NEK1: variants seen among roughly 807,000 people sequenced by gnomAD.
The protein encoded by NEK1 is serine/threonine-protein kinase Nek1.
Under a neutral mutation model 182.1 loss-of-function variants are expected in NEK1, and 137 were observed. The ratio of observed to expected loss-of-function variants is 0.75; its 90% confidence interval spans 0.65 to 0.87. The LOEUF is 0.87. NEK1 is among the 40% of genes least tolerant of loss of function. NEK1 has a pLI of 0.00. For synonymous variants in NEK1, 513 were observed against 492.2 expected (o/e 1.04, Z -0.56); for missense variants, 1,391 against 1,494.4 (o/e 0.93, Z 1.14).
In NEK1 at chr4:169,588,701, G is replaced by A. The variant is rs1281659411; in HGVS notation, c.499C>T (p.Pro167Ser). Residue 167 changes from proline to serine, a missense_variant, in exon 8 of 36, where the codon CCA (proline) becomes TCA (serine). By Grantham distance (74) the Pro-to-Ser change is moderately conservative (BLOSUM62 -1). Transcript: ENST00000507142. ...VELARTCIGT[P>S]YYLSPEICEN... ...CAGATTTCAGGTGACAAGTAGTATG[G>A]GGTCCCTATGCAAGTTCGAGCCAGC... is the stretch of plus-strand genomic sequence containing the variant. 1.3e-6 allele frequency: 2 copies of A among 1,549,956 alleles called. No individual in the cohort carries two copies. The highest frequency in any genetic ancestry group is 1.7e-6 in the Non-Finnish European group (2 of 1,145,444).
chr4:169,432,482 T>C (rs1357002106), intron 29 of NEK1, among the ~76,000 whole-genome samples: 1 of 152,288 alleles, frequency 6.6e-6, no homozygotes, highest in South Asian at 2.1e-4. Context: ...GGTAGGAAAC[T>C]TGTTGAGTTG....
At chr4:169,449,015 G>A (rs1157646618) in intron 27 of NEK1, among the ~76,000 whole-genome samples, 1 of 152,216 alleles carries the variant, frequency 6.6e-6, no homozygotes, top group Non-Finnish European at 1.5e-5. Context: ...CCTGTGCCTG[G>A]CTCGGCAGGT....
chr4:169,486,282 T>C (rs1044222361), intron 23 of NEK1, among the ~76,000 whole-genome samples: 1 of 152,188 alleles, frequency 6.6e-6, no homozygotes, highest in African/African-American at 2.4e-5. Context: ...GCTGTAAAAC[T>C]GTTTCTACTT....
At chr4:169,454,460 A>G (rs967673484) in intron 27 of NEK1, among the ~76,000 whole-genome samples, 2 of 152,252 alleles carry the variant, frequency 1.3e-5, no homozygotes, top group Admixed American at 6.5e-5. Flanking sequence ...TCCAGAATCT[A>G]CAAAGAACTT....
At chr4:169,538,423 T>C (rs910491417) in intron 18 of NEK1, among the ~76,000 whole-genome samples, 3 of 151,882 alleles carry the variant, frequency 2.0e-5, no homozygotes, top group Non-Finnish European at 4.4e-5. Flanking sequence ...AAAAGTAAAG[T>C]GGATAGATTA....
chr4:169,582,902 C>A (rs559758733), intron 10 of NEK1, among the ~76,000 whole-genome samples: 2 of 152,090 alleles, frequency 1.3e-5, no homozygotes, highest in Non-Finnish European at 2.9e-5. Context: ...ACAGAGCATT[C>A]CACTGGACAG....
chr4:169,591,336 G>C (rs1768471296), intron 5 of NEK1, among the ~76,000 whole-genome samples: 1 of 151,820 alleles, frequency 6.6e-6, no homozygotes. Context: ...TTTTTTTACA[G>C]AGACAGTGTC....
At chr4:169,592,932 G>C (rs1003690555) in intron 5 of NEK1, among the ~76,000 whole-genome samples, 2 of 152,232 alleles carry the variant, frequency 1.3e-5, no homozygotes, top group Admixed American at 6.5e-5. Context: ...CAACAAGGGA[G>C]AGGTCAGGAA....
chr4:169,601,632 T>C (rs1345649950), intron 4 of NEK1, among the ~76,000 whole-genome samples: 9 of 152,168 alleles, frequency 5.9e-5, no homozygotes, highest in Non-Finnish European at 1.2e-4. Context: ...ATATGTAAAT[T>C]ACTGTTCTTG....
intron 27 of NEK1, among the ~76,000 whole-genome samples, chr4:169,445,302 G>A (rs891477068): frequency 6.6e-6 from 1 of 152,066 alleles, no homozygotes; most frequent in Admixed American, 6.6e-5. Context: ...GTGGCTGCCT[G>A]TAGTACTAGT....
chr4:169,564,906 A>C (rs1196931682), intron 12 of NEK1, among the ~76,000 whole-genome samples: 1 of 152,188 alleles, frequency 6.6e-6, no homozygotes, highest in Non-Finnish European at 1.5e-5. Flanking sequence ...ACTCAAGGCT[A>C]TAGCAACAAA....
chr4:169,409,461 C>T (rs1305221741), intron 31 of NEK1, among the ~76,000 whole-genome samples: 1 of 148,408 alleles, frequency 6.7e-6, no homozygotes, highest in Non-Finnish European at 1.5e-5. Flanking sequence ...TGTTTTTGGA[C>T]TTCTTAATTA....
intron 18 of NEK1, chr4:169,554,019 C>T (rs1190375632): frequency 2.0e-5 from 3 of 152,124 alleles, no homozygotes; most frequent in South Asian, 2.1e-4. Flanking sequence ...AAATTTATGT[C>T]CACAAAAAAA....
chr4:169,515,303 T>C (rs1348965385), intron 19 of NEK1, among the ~76,000 whole-genome samples: 1 of 152,158 alleles, frequency 6.6e-6, no homozygotes, highest in Non-Finnish European at 1.5e-5. Flanking sequence ...TCCTGGTGGT[T>C]AGTGATGGTG....
rs575231403 is a variant in NEK1 at position 169,589,783 on chromosome 4, T to G, written c.397-269A>C. The stretch of plus-strand genomic sequence containing the variant: ...ATCTTCATGCCATTGGGCTAGGGAA[T>G]GGTTTCTTAGATATGACGTCAAAAG... On this transcript the variant is annotated intron_variant, in intron 6 of 35. Transcript: ENST00000507142. Among the ~76,000 whole-genome samples the G allele has an allele frequency of 1.4e-4, 22 of 152,234 alleles. No homozygotes were observed. The South Asian group carries it at 4.1e-3, about 29-fold the overall frequency.
intron 27 of NEK1, among the ~76,000 whole-genome samples, chr4:169,449,614 G>A (rs1000925364): frequency 6.6e-6 from 1 of 151,986 alleles, no homozygotes; most frequent in Non-Finnish European, 1.5e-5. Context: ...AAAACTAACA[G>A]TAAGGAATAG....
intron 9 of NEK1, among the ~76,000 whole-genome samples, chr4:169,586,480 T>G (rs2150074836): frequency 6.6e-6 from 1 of 152,128 alleles, no homozygotes. Context: ...TCATAAAGGG[T>G]AAGTTACTGA....
At chr4:169,499,195 G>C (rs1287657597) in intron 23 of NEK1, among the ~76,000 whole-genome samples, 1 of 152,104 alleles carries the variant, frequency 6.6e-6, no homozygotes, top group East Asian at 1.9e-4. Flanking sequence ...TGACAAATTG[G>C]CTACTGAGGC....
intron 19 of NEK1, among the ~76,000 whole-genome samples, chr4:169,522,379 A>C (rs1389748916): frequency 6.6e-6 from 1 of 152,176 alleles, no homozygotes; most frequent in African/African-American, 2.4e-5. Context: ...ATGTCAAATC[A>C]ATGTCATTTC....
Sources: allele counts gnomAD v4.1 joint callset (sites outside exome capture counted in the v4.1 genomes callset), GRCh38; gene constraint gnomAD v4.1.1; transcripts MANE v1.5; gene names NCBI Gene and HGNC (gene_info 2026-07-23, HGNC 2026-07-21).